The following PLXDC2 variants were observed in gnomAD, a reference collection of about 807,000 sequenced individuals.
The protein encoded by PLXDC2 is plexin domain-containing protein 2.
In PLXDC2, 40 loss-of-function variants were observed where a neutral mutation model predicts 68.9. That is an observed-to-expected ratio of 0.58 (90% CI 0.45 to 0.76). PLXDC2 has a LOEUF of 0.76. Ranked by LOEUF, PLXDC2 falls within the 30% of genes least tolerant of loss-of-function variation. PLXDC2 has a pLI of 0.00. For missense variants in PLXDC2, 644 were observed against 661.9 expected (o/e 0.97, Z 0.30); for synonymous variants, 243 against 234.2 (o/e 1.04, Z -0.34).
rs12358662 is a variant in PLXDC2 at position 20,017,254 on chromosome 10, G to T, written c.324+15268G>T. Among the ~76,000 whole-genome samples, 16 of 152,182 alleles carry T rather than the reference G, an allele frequency of 1.1e-4. No individual in the cohort carries two copies. In the East Asian group the frequency reaches 2.7e-3, roughly 26 times the overall value. On this transcript the variant is annotated intron_variant, in intron 2 of 13. Transcript: ENST00000377252. ...GGAGCAGGCATCACAGTGCTTCTAG[G>T]GGGGCAGGGGCCACTGGGCAGCTAA...
intron 1 of PLXDC2, among the ~76,000 whole-genome samples, chr10:19,865,421 T>G (rs979633165): frequency 6.6e-6 from 1 of 152,222 alleles, no homozygotes; most frequent in Non-Finnish European, 1.5e-5. Context: ...TGCTTCATTT[T>G]GCAAACAGTG....
At chr10:20,219,210 T>C in intron 12 of PLXDC2, 108 bp downstream of exon 12, 1 of 1,172,070 alleles carries the variant, frequency 8.5e-7, no homozygotes, top group Non-Finnish European at 1.2e-6. Flanking sequence ...GGTGAGGTTG[T>C]GTTTTATTCT....
At chr10:19,983,942 T>C (rs543697489) in intron 1 of PLXDC2, among the ~76,000 whole-genome samples, 1 of 152,222 alleles carries the variant, frequency 6.6e-6, no homozygotes, top group Admixed American at 6.5e-5. Flanking sequence ...CAATAATTAA[T>C]CCTGATATTT....
chr10:19,941,613 G>T (rs562335275), intron 1 of PLXDC2, among the ~76,000 whole-genome samples: 4 of 151,988 alleles, frequency 2.6e-5, no homozygotes, highest in Admixed American at 2.6e-4. Context: ...GTTCAAAGGG[G>T]GTCTGTCACT....
At chr10:20,272,040 G>A (rs950605248) in intron 13 of PLXDC2, among the ~76,000 whole-genome samples, 1 of 152,078 alleles carries the variant, frequency 6.6e-6, no homozygotes, top group Admixed American at 6.6e-5. Context: ...TGCTCGGTTT[G>A]AACAACAAAG....
At chr10:20,014,614 G>A (rs756604748) in intron 2 of PLXDC2, among the ~76,000 whole-genome samples, 9 of 152,106 alleles carry the variant, frequency 5.9e-5, no homozygotes, top group Middle Eastern at 3.4e-3. Flanking sequence ...TACTTTTGCC[G>A]TGAGAGTCAA....
intron 1 of PLXDC2, among the ~76,000 whole-genome samples, chr10:19,962,788 C>G (rs1485342488): frequency 1.2e-4 from 18 of 148,880 alleles, no homozygotes; most frequent in Non-Finnish European, 2.5e-4. Flanking sequence ...AGATCGAGAC[C>G]ATCCTGGCTA....
chr10:19,972,373 C>G (rs1000443532), intron 1 of PLXDC2, among the ~76,000 whole-genome samples: 1 of 152,098 alleles, frequency 6.6e-6, no homozygotes, highest in Admixed American at 6.6e-5. Context: ...CGTTATCACT[C>G]AAAAGTGGGA....
At chr10:19,920,277 A>G (rs1181808412) in intron 1 of PLXDC2, among the ~76,000 whole-genome samples, 1 of 152,158 alleles carries the variant, frequency 6.6e-6, no homozygotes, top group Non-Finnish European at 1.5e-5. Context: ...GTCCCTGGCT[A>G]GGGCTCCACC....
chr10:20,096,565 A>G (rs1349215674), intron 4 of PLXDC2, among the ~76,000 whole-genome samples: 1 of 152,162 alleles, frequency 6.6e-6, no homozygotes. Context: ...GAGAAGAAAG[A>G]GGACAAGTAC....
chr10:20,191,533 C>G (rs1179585817), intron 9 of PLXDC2, among the ~76,000 whole-genome samples: 1 of 151,368 alleles, frequency 6.6e-6, no homozygotes. Flanking sequence ...TTTCCCTGCA[C>G]TCCACTAACA....
At chr10:19,909,603 T>C (rs1833229212) in intron 1 of PLXDC2, among the ~76,000 whole-genome samples, 1 of 152,206 alleles carries the variant, frequency 6.6e-6, no homozygotes. Flanking sequence ...CTTGCATTCA[T>C]TTATGTATTG....
At chr10:20,224,296 T>A (rs1835257513) in intron 12 of PLXDC2, among the ~76,000 whole-genome samples, 1 of 152,160 alleles carries the variant, frequency 6.6e-6, no homozygotes, top group Admixed American at 6.5e-5. Flanking sequence ...TGTCTGTATT[T>A]CTTTGAGTAA....
intron 13 of PLXDC2, among the ~76,000 whole-genome samples, chr10:20,266,304 T>A (rs1835871462): frequency 6.6e-6 from 1 of 151,242 alleles, no homozygotes. Context: ...AAAGGCAGAT[T>A]AAGATTATCA....
intron 2 of PLXDC2, among the ~76,000 whole-genome samples, chr10:20,006,704 A>G (rs1835033809): frequency 6.6e-6 from 1 of 152,250 alleles, no homozygotes; most frequent in African/African-American, 2.4e-5. Context: ...GCTCTTCACA[A>G]GAACAGATAA....
chr10:19,941,142 C>G (rs1833812081), intron 1 of PLXDC2, among the ~76,000 whole-genome samples: 1 of 152,302 alleles, frequency 6.6e-6, no homozygotes, highest in African/African-American at 2.4e-5. Flanking sequence ...CTTCTGATTC[C>G]TAGTCATGGA....
chr10:20,001,464 G>C lies in PLXDC2; in HGVS notation c.113-311G>C, dbSNP rs192053131. Among the ~76,000 whole-genome samples the C allele has an allele frequency of 3.3e-3, 504 of 152,280 alleles. 1 individual carries two copies. Among genetic ancestry groups the C allele is most frequent in the Non-Finnish European group, 5.0e-3 (342 of 68,026 alleles). On this transcript the variant is annotated intron_variant, in intron 1 of 13. Transcript: ENST00000377252. ...CTCAGAACAGCTAGAGAATGTGTATGAAGTGTGCGTGTGGAGGGGGCAAGG... is the reference window on the plus strand; with the variant it reads ...CTCAGAACAGCTAGAGAATGTGTATCAAGTGTGCGTGTGGAGGGGGCAAGG...
chr10:20,072,151 C>T (rs1464494013), intron 4 of PLXDC2, among the ~76,000 whole-genome samples: 1 of 151,512 alleles, frequency 6.6e-6, no homozygotes, highest in African/African-American at 2.4e-5. Flanking sequence ...GTTTGGATCG[C>T]CTGAGGTCCA....
chr10:20,245,922 T>C (rs374556842), intron 13 of PLXDC2, among the ~76,000 whole-genome samples: 1 of 152,154 alleles, frequency 6.6e-6, no homozygotes, highest in African/African-American at 2.4e-5. Context: ...CATGATACAA[T>C]ATGATGGGCC....
Sources: gnomAD v4.1 joint callset for allele counts (sites outside exome capture counted in the v4.1 genomes callset) on GRCh38, gnomAD v4.1.1 for gene constraint, MANE v1.5 for transcripts, NCBI Gene and HGNC (gene_info 2026-07-23, HGNC 2026-07-21) for gene names.